CNTNAP2: variants seen among roughly 807,000 people sequenced by gnomAD.
CNTNAP2 encodes contactin-associated protein-like 2.
Under a neutral mutation model 155.2 loss-of-function variants are expected in CNTNAP2, and 98 were observed. That is an observed-to-expected ratio of 0.63 (90% CI 0.54 to 0.75). The LOEUF is 0.75. Ranked by LOEUF, CNTNAP2 falls within the 30% of genes least tolerant of loss-of-function variation. CNTNAP2 has a pLI of 0.00. For synonymous variants in CNTNAP2, 651 were observed against 631.2 expected, an observed-to-expected ratio of 1.03 and a Z score of -0.47; for missense variants, 1,727 against 1,688.1, an observed-to-expected ratio of 1.02 and a Z score of -0.40.
chr7:147,908,262 G>A (rs1029427439), intron 14 of CNTNAP2, among the ~76,000 whole-genome samples: 5 of 152,308 alleles, frequency 3.3e-5, no homozygotes, highest in South Asian at 4.1e-4. Flanking sequence ...ATCATCAGAA[G>A]AGCAAGTACA....
intron 11 of CNTNAP2, 147 bp from the exon 12 acceptor site, chr7:147,561,991 T>G: frequency 9.4e-7 from 1 of 1,060,566 alleles, no homozygotes; most frequent in Non-Finnish European, 1.4e-6. Context: ...AAATCATGAA[T>G]TTAAATTTAG....
chr7:146,583,099 T>C (rs368421427), intron 1 of CNTNAP2, among the ~76,000 whole-genome samples: 5 of 151,942 alleles, frequency 3.3e-5, no homozygotes, highest in East Asian at 1.9e-4. Flanking sequence ...ATGACAACCA[T>C]AGTGTGGGAG....
intron 1 of CNTNAP2, among the ~76,000 whole-genome samples, chr7:146,174,902 A>G (rs1020228473): frequency 1.3e-5 from 2 of 152,128 alleles, no homozygotes; most frequent in Non-Finnish European, 2.9e-5. Context: ...AATAAATTAC[A>G]TATTTCCTGG....
At chr7:146,454,792 AAATT>A (rs1796531859) in intron 1 of CNTNAP2, among the ~76,000 whole-genome samples, 1 of 152,080 alleles carries the variant, frequency 6.6e-6, no homozygotes, top group South Asian at 2.1e-4. Context: ...TAATAGATAA[AAATT>A]AATTGTTTTG....
chr7:147,539,123 A>G (rs1405562680), intron 11 of CNTNAP2, among the ~76,000 whole-genome samples: 1 of 152,190 alleles, frequency 6.6e-6, no homozygotes, highest in Non-Finnish European at 1.5e-5. Flanking sequence ...AAGAATATAT[A>G]TATACACACA....
At chr7:147,918,792 C>T (rs1800207735) in intron 14 of CNTNAP2, among the ~76,000 whole-genome samples, 1 of 152,086 alleles carries the variant, frequency 6.6e-6, no homozygotes, top group African/African-American at 2.4e-5. Context: ...CCTGCTTGTC[C>T]CTGTCAGCCC....
At chr7:147,589,774 A>G (rs1800703196) in intron 12 of CNTNAP2, among the ~76,000 whole-genome samples, 1 of 152,152 alleles carries the variant, frequency 6.6e-6, no homozygotes, top group African/African-American at 2.4e-5. Flanking sequence ...ACCTATTCCA[A>G]AGGTGCATGA....
At chr7:147,462,002 T>C (rs1344179274) in intron 10 of CNTNAP2, among the ~76,000 whole-genome samples, 1 of 152,192 alleles carries the variant, frequency 6.6e-6, no homozygotes, top group Non-Finnish European at 1.5e-5. Flanking sequence ...CTTTCAAAGT[T>C]TCAGCAATAG....
chr7:148,086,807 G>A (rs1803739639), intron 15 of CNTNAP2, among the ~76,000 whole-genome samples: 1 of 152,144 alleles, frequency 6.6e-6, no homozygotes, highest in African/African-American at 2.4e-5. Context: ...GGTGTCTAAG[G>A]AGATTCAGAC....
intron 8 of CNTNAP2, among the ~76,000 whole-genome samples, chr7:147,210,044 C>T (rs1803111866): frequency 6.6e-6 from 1 of 151,930 alleles, no homozygotes; most frequent in African/African-American, 2.4e-5. Context: ...GGGATACTGA[C>T]TTGAAGTTTT....
intron 23 of CNTNAP2, among the ~76,000 whole-genome samples, chr7:148,410,027 G>A (rs368630598): frequency 3.1e-5 from 1 of 32,198 alleles, no homozygotes; most frequent in Non-Finnish European, 6.6e-5. Flanking sequence ...ATCCGGCCTG[G>A]GCTAAAGAGC....
intron 11 of CNTNAP2, among the ~76,000 whole-genome samples, chr7:147,506,028 A>T (rs960192930): frequency 6.6e-6 from 1 of 152,190 alleles, no homozygotes; most frequent in Non-Finnish European, 1.5e-5. Context: ...TGTAAAAGAT[A>T]ATGATAGACC....
At chr7:148,081,406 G>A (rs1369154367) in intron 15 of CNTNAP2, among the ~76,000 whole-genome samples, 3 of 151,918 alleles carry the variant, frequency 2.0e-5, no homozygotes, top group Admixed American at 2.0e-4. Context: ...CCTTAATCTG[G>A]GTGGGCACCA....
intron 21 of CNTNAP2, among the ~76,000 whole-genome samples, chr7:148,320,061 A>G (rs1490191528): frequency 6.6e-6 from 1 of 152,064 alleles, no homozygotes; most frequent in Non-Finnish European, 1.5e-5. Flanking sequence ...TCCTTTTCAT[A>G]TGGAGAAGGG....
intron 16 of CNTNAP2, among the ~76,000 whole-genome samples, chr7:148,141,645 C>T (rs1252728954): frequency 2.0e-5 from 3 of 152,164 alleles, no homozygotes; most frequent in African/African-American, 7.2e-5. Context: ...AATGCCTCTG[C>T]CTTCCTGAGG....
chr7:147,996,106 T>C (rs1801799782), intron 15 of CNTNAP2, among the ~76,000 whole-genome samples: 2 of 152,246 alleles, frequency 1.3e-5, no homozygotes, highest in Admixed American at 6.5e-5. Context: ...TGAATATCAC[T>C]GGGGCATGGC....
intron 1 of CNTNAP2, among the ~76,000 whole-genome samples, chr7:146,143,206 T>C (rs903913481): frequency 2.0e-5 from 3 of 152,170 alleles, no homozygotes; most frequent in Non-Finnish European, 2.9e-5. Flanking sequence ...TCCTTCCAAA[T>C]TGAAAACTCA....
intron 1 of CNTNAP2, among the ~76,000 whole-genome samples, chr7:146,426,465 A>G (rs903205559): frequency 4.0e-5 from 6 of 150,824 alleles, no homozygotes; most frequent in Non-Finnish European, 5.9e-5. Flanking sequence ...ATGTGTGTGT[A>G]TATATATAAA....
rs1318619401 is a variant in CNTNAP2 at position 146,497,675 on chromosome 7, T to A, written c.98-276596T>A. Among the ~76,000 whole-genome samples the A allele has an allele frequency of 3.9e-5, 6 of 151,926 alleles. No individual in the cohort carries two copies. In the East Asian group the frequency reaches 1.2e-3, roughly 29 times the overall value. On this transcript the variant is annotated intron_variant, in intron 1 of 23. Coordinates refer to ENST00000361727, the MANE Select transcript of CNTNAP2 (RefSeq NM_014141.6). ...AAAAGAAGAGGTCTTGTCAAATTGATTCTTATTGAATATTTTTTGATGTGA... is the reference window on the plus strand; with the variant it reads ...AAAAGAAGAGGTCTTGTCAAATTGAATCTTATTGAATATTTTTTGATGTGA...
Sources: gnomAD v4.1 joint callset for allele counts (sites outside exome capture counted in the v4.1 genomes callset) on GRCh38, gnomAD v4.1.1 for gene constraint, MANE v1.5 for transcripts, NCBI Gene and HGNC (gene_info 2026-07-23, HGNC 2026-07-21) for gene names.